Variants in UPK3A observed in about 807,000 individuals in gnomAD.
UPK3A encodes uroplakin 3A, also known as uroplakin-3a.
Under a neutral mutation model 27.6 loss-of-function variants are expected in UPK3A, and 32 were observed. The ratio of observed to expected loss-of-function variants is 1.16; its 90% CI spans 0.87 to 1.55. UPK3A has a LOEUF of 1.55. Among genes scored for constraint, UPK3A ranks in the 40% most tolerant of loss-of-function variants. The pLI, the probability that UPK3A is intolerant of heterozygous loss-of-function variation, is 0.00. For synonymous variants in UPK3A, 171 were observed against 163.9 expected (o/e 1.04, Z -0.33); for missense variants, 370 against 367.9 (o/e 1.01, Z -0.05).
chr22:45,293,074 T>A (rs535971146), intron 4 of UPK3A, 107 bp from the exon 5 acceptor site: 1 of 1,525,874 alleles, frequency 6.6e-7, no homozygotes, highest in East Asian at 2.4e-5. Context: ...CCCAGGGTCA[T>A]CCCTGGATCC....
intron 3 of UPK3A, among the ~76,000 whole-genome samples, chr22:45,287,766 G>A (rs956975266): frequency 2.6e-5 from 4 of 152,192 alleles, no homozygotes; most frequent in East Asian, 1.9e-4. Flanking sequence ...AGGTTCAAGC[G>A]ATTCTCTTGC....
chr22:45,294,071 G>A (rs764994144), intron 5 of UPK3A, among the ~76,000 whole-genome samples: 19 of 149,304 alleles, frequency 1.3e-4, no homozygotes, highest in Admixed American at 4.6e-4. Context: ...GAGGAGGGCC[G>A]GGGGGGTGCT....
In UPK3A at chr22:45,288,493, C is replaced by T. The variant is rs141393954; in HGVS notation, c.489-568C>T. Among the ~76,000 whole-genome samples, 167 of 152,260 alleles carry T rather than the reference C, an allele frequency of 1.1e-3. 1 individual carries two copies. The highest frequency in any genetic ancestry group is 3.0e-3 in the Admixed American group (46 of 15,298). ...GATTACAGGCGTCAGGCACTGCGCC[C>T]GGCCCATTTTTGTATTTTTAGTAGA... On this transcript the variant is annotated intron_variant, in intron 3 of 5. Coordinates refer to ENST00000216211, the MANE Select transcript of UPK3A (RefSeq NM_006953.4).
intron 3 of UPK3A, 104 bp from the exon 4 acceptor site, chr22:45,288,957 G>A (rs1242920123): frequency 7.4e-6 from 8 of 1,079,684 alleles, no homozygotes; most frequent in East Asian, 2.4e-5. Flanking sequence ...AAGGGCCCCC[G>A]CTGCCGTCTC....
chr22:45,288,797 A>G (rs2084137860), intron 3 of UPK3A, among the ~76,000 whole-genome samples: 1 of 152,194 alleles, frequency 6.6e-6, no homozygotes, highest in South Asian at 2.1e-4. Context: ...GAGCGCCTAG[A>G]AGGGCAGCTT....
At chr22:45,286,370 C>T (rs1488419109) in intron 2 of UPK3A, among the ~76,000 whole-genome samples, 2 of 152,172 alleles carry the variant, frequency 1.3e-5, no homozygotes, top group African/African-American at 2.4e-5. Context: ...ATTACCAATC[C>T]CCATTACAGA....
Position 45,295,614 on chromosome 22 carries a change from G to A in UPK3A, c.759G>A (p.Glu253=). Residue 253 remains glutamate, a synonymous_variant, in exon 6 of 6, where the codon GAG becomes GAA. Transcript: ENST00000216211. ...ETTHDSQITQ[E]AVPKSLGASE... ...CTCACGACTCCCAAATCACTCAGGAGGCTGTTCCCAAGTCGCTGGGGGCCT... is the reference window on the plus strand; with the variant it reads ...CTCACGACTCCCAAATCACTCAGGAAGCTGTTCCCAAGTCGCTGGGGGCCT... 6.2e-7 allele frequency: 1 copy of A among 1,614,104 alleles called. No individual in the cohort carries two copies. The highest frequency in any genetic ancestry group is 8.5e-7 in the Non-Finnish European group (1 of 1,180,040).
Position 45,286,049 on chromosome 22 carries a change from C to T in UPK3A, c.161C>T (p.Ala54Val). The T allele has an allele frequency of 1.2e-6, 2 of 1,614,156 alleles. No homozygotes were observed. Among genetic ancestry groups the T allele is most frequent in the Non-Finnish European group, 1.7e-6 (2 of 1,180,026 alleles). ...CTCTGCATGTTTGACAGCAAAGAGGCCCTCACTGGCACCCACGAGGTCTAC... is the reference window on the plus strand; with the variant it reads ...CTCTGCATGTTTGACAGCAAAGAGGTCCTCACTGGCACCCACGAGGTCTAC... ...KPLCMFDSKEALTGTHEVYLY... is the reference protein window; with the variant it reads ...KPLCMFDSKEVLTGTHEVYLY... Residue 54 changes from alanine to valine, a missense_variant, in exon 2 of 6, where the codon GCC (alanine) becomes GTC (valine). Transcript: ENST00000216211.
chr22:45,287,132 G>C (rs374785695), intron 2 of UPK3A, 40 bp from the exon 3 acceptor site: 1 of 1,612,668 alleles, frequency 6.2e-7, no homozygotes. Flanking sequence ...TCGCTGAGCC[G>C]GAGTGGCCAG....
chr22:45,292,441 TATACATCATCTGTTC>T (rs913712557), intron 4 of UPK3A, among the ~76,000 whole-genome samples: 1 of 152,220 alleles, frequency 6.6e-6, no homozygotes, highest in African/African-American at 2.4e-5. Context: ...CAGTAGGACC[TATACATCATCTGTTC>T]ACAGCGTTCC....
intron 2 of UPK3A, among the ~76,000 whole-genome samples, chr22:45,286,349 G>C (rs2084117854): frequency 6.6e-6 from 1 of 152,160 alleles, no homozygotes; most frequent in Non-Finnish European, 1.5e-5. Flanking sequence ...CAACCAGCTT[G>C]TAAGGTAGCT....
intron 1 of UPK3A, among the ~76,000 whole-genome samples, 166 bp from the exon 2 acceptor site, chr22:45,285,775 A>G (rs2084113360): frequency 1.3e-5 from 2 of 152,044 alleles, no homozygotes; most frequent in Admixed American, 1.3e-4. Context: ...TCCATTTCTG[A>G]GCAGGATGAC....
At chr22:45,293,891 G>A (rs968953896) in intron 5 of UPK3A, among the ~76,000 whole-genome samples, 2 of 152,124 alleles carry the variant, frequency 1.3e-5, no homozygotes, top group East Asian at 1.9e-4. Context: ...CTGGGACTCG[G>A]GACTCCACTG....
Position 45,295,734 on chromosome 22 carries a change from CT to C in UPK3A, c.*16del. The C allele has an allele frequency of 6.2e-7, 1 of 1,613,548 alleles. No individual in the cohort carries two copies. The highest frequency in any genetic ancestry group is 8.5e-7 in the Non-Finnish European group (1 of 1,180,002). On this transcript the variant is annotated 3_prime_UTR_variant, in exon 6 of 6. Coordinates refer to ENST00000216211, the MANE Select transcript of UPK3A (RefSeq NM_006953.4). ...TCCAAGACTGAGCCCAGCACCACCC[CT>C]GGGCAGCAGCATCCTCCTCTCTGGC...
At chr22:45,285,199 A>C in intron 1 of UPK3A, 134 bp downstream of exon 1, 1 of 815,514 alleles carries the variant, frequency 1.2e-6, no homozygotes, top group Non-Finnish European at 1.9e-6. Context: ...AGTGATAGCC[A>C]ACGTTTACGG....
At chr22:45,291,123 T>C (rs556188777) in intron 4 of UPK3A, among the ~76,000 whole-genome samples, 11 of 152,330 alleles carry the variant, frequency 7.2e-5, no homozygotes, top group Admixed American at 2.6e-4. Context: ...AGAAAACCTG[T>C]CTTCCACAAA....
Position 45,287,248 on chromosome 22 carries a change from G to A in UPK3A, c.285G>A (p.Gly95=). 1 of 1,614,202 alleles carries A rather than the reference G, an allele frequency of 6.2e-7. No homozygotes were observed. Reference sequence around the variant, plus strand: ...CAACGTTCCTACAAACAGAGGGTGGGAGGACAGGTCCCTACAAAGCTGTGG... The same window carrying A: ...CAACGTTCCTACAAACAGAGGGTGGAAGGACAGGTCCCTACAAAGCTGTGG... The part of the protein sequence containing the change: ...LGSTFLQTEG[G]RTGPYKAVAF... Residue 95 remains glycine (G), a synonymous_variant, in exon 3 of 6, where the codon GGG becomes GGA. Transcript: ENST00000216211.
intron 2 of UPK3A, among the ~76,000 whole-genome samples, chr22:45,286,968 A>C (rs182465863): frequency 1.4e-3 from 211 of 152,322 alleles, no homozygotes; most frequent in African/African-American, 3.5e-3. Context: ...AGAGTCAGAC[A>C]CAGCGCCCAA....
intron 5 of UPK3A, among the ~76,000 whole-genome samples, chr22:45,294,757 C>T (rs1181531690): frequency 1.3e-5 from 2 of 152,104 alleles, no homozygotes; most frequent in Admixed American, 6.6e-5. Flanking sequence ...CACTTTGTTC[C>T]GGCTCCAGCT....
Sources: allele counts gnomAD v4.1 joint callset (sites outside exome capture counted in the v4.1 genomes callset), GRCh38; gene constraint gnomAD v4.1.1; transcripts MANE v1.5; gene names NCBI Gene and HGNC (gene_info 2026-07-23, HGNC 2026-07-21).